The following CNST variants were observed in gnomAD, a reference collection of about 807,000 sequenced individuals.
CNST encodes the protein consortin, connexin sorting protein.
CNST carries 39 observed loss-of-function variants against 72.4 expected under a neutral mutation model. That is an observed-to-expected ratio of 0.54 (90% CI 0.42 to 0.70). The LOEUF is 0.70. Ranked by LOEUF, CNST falls within the 30% of genes least tolerant of loss-of-function variation. The pLI is 0.00. For synonymous variants in CNST, 332 were observed against 320.1 expected (o/e 1.04, Z -0.40); for missense variants, 871 against 868.5 (o/e 1.00, Z -0.04).
intron 3 of CNST, among the ~76,000 whole-genome samples, chr1:246,630,300 G>A (rs1464670845): frequency 6.6e-6 from 1 of 152,130 alleles, no homozygotes; most frequent in Non-Finnish European, 1.5e-5. Context: ...CTAAAGAAAT[G>A]GTTGAAGATT....
chr1:246,642,336 G>T (rs1281594644), intron 8 of CNST, among the ~76,000 whole-genome samples: 1 of 151,894 alleles, frequency 6.6e-6, no homozygotes, highest in Non-Finnish European at 1.5e-5. Flanking sequence ...ATAAGAAAAG[G>T]TTGTACAAAA....
At chr1:246,633,491 C>T (rs1407153401) in intron 4 of CNST, among the ~76,000 whole-genome samples, 3 of 151,464 alleles carry the variant, frequency 2.0e-5, no homozygotes, top group Non-Finnish European at 4.4e-5. Context: ...GCCTGTAATC[C>T]CAGCACTTTG....
intron 10 of CNST, among the ~76,000 whole-genome samples, chr1:246,662,390 T>G (rs991036881): frequency 2.0e-5 from 3 of 152,166 alleles, no homozygotes; most frequent in Admixed American, 2.0e-4. Context: ...TTATTTTTTA[T>G]TTGATTTTAT....
chr1:246,641,827 TG>T, intron 7 of CNST, 57 bp downstream of exon 7: 2 of 1,239,116 alleles, frequency 1.6e-6, no homozygotes, highest in South Asian at 2.5e-5. Context: ...GTCATATGTC[TG>T]TTGTATGGAC....
chr1:246,619,309 T>G (rs1434084086), intron 2 of CNST, among the ~76,000 whole-genome samples: 2 of 152,198 alleles, frequency 1.3e-5, no homozygotes. Flanking sequence ...CCCTAAAAAA[T>G]GGCAGGCCAT....
intron 9 of CNST, among the ~76,000 whole-genome samples, chr1:246,653,248 A>G (rs1342526356): frequency 2.0e-5 from 3 of 152,160 alleles, no homozygotes; most frequent in Non-Finnish European, 2.9e-5. Context: ...CCTGTTGCCT[A>G]TTAAGTGAGG....
chr1:246,612,360 C>T (rs1663373314), intron 2 of CNST, among the ~76,000 whole-genome samples: 1 of 151,990 alleles, frequency 6.6e-6, no homozygotes. Context: ...TGCTACCACG[C>T]CGAGCTAATT....
intron 9 of CNST, among the ~76,000 whole-genome samples, chr1:246,649,656 A>G (rs1475029258): frequency 6.6e-6 from 1 of 152,070 alleles, no homozygotes; most frequent in Admixed American, 6.6e-5. Flanking sequence ...CCCACCTTAT[A>G]AAACGTTTTC....
Position 246,591,877 on chromosome 1 carries a change from C to CA in CNST, c.322dup (p.Ile108AsnfsTer15). ...ATGAACAGGCCTTCTTGGGAAAGGA[C>CA]AAAAAAATTCCTGGAAAAAGAAGTC... On this transcript the variant is annotated frameshift_variant, in exon 2 of 11. Coordinates refer to ENST00000366513, the MANE Select transcript of CNST (RefSeq NM_152609.3). LOFTEE classifies it high-confidence loss of function. 1 of 1,612,810 alleles carries CA rather than the reference C, an allele frequency of 6.2e-7. No individual in the cohort carries two copies. The highest frequency in any genetic ancestry group is 8.5e-7 in the Non-Finnish European group (1 of 1,179,560).
At chr1:246,620,614 CGAT>C (rs1558564148) in intron 2 of CNST, among the ~76,000 whole-genome samples, 1 of 143,328 alleles carries the variant, frequency 7.0e-6, no homozygotes, top group East Asian at 2.0e-4. Flanking sequence ...TGCATACACA[CGAT>C]GGGCTCTGGG....
At position 246,630,402 on chromosome 1, in the gene CNST, C is replaced by A. The variant is rs116692633; in HGVS notation, c.586-1492C>A. Among the ~76,000 whole-genome samples the A allele has an allele frequency of 1.7e-3, 262 of 152,256 alleles. 1 individual carries two copies. Among genetic ancestry groups the A allele is most frequent in the African/African-American group, 5.9e-3 (247 of 41,560 alleles). On this transcript the variant is annotated intron_variant, in intron 3 of 10. Coordinates refer to ENST00000366513, the MANE Select transcript of CNST (RefSeq NM_152609.3). Reference sequence around the variant, plus strand: ...ACCAGATTCTTAAAAATCAGTTTGTCCCTTGCAAAATCTTTAATATAACAT... The same window carrying A: ...ACCAGATTCTTAAAAATCAGTTTGTACCTTGCAAAATCTTTAATATAACAT...
At position 246,653,965 on chromosome 1, in the gene CNST, A is replaced by G. The variant is rs563253905; in HGVS notation, c.1836+5928A>G. Among the ~76,000 whole-genome samples, 4 of 152,314 alleles carry G rather than the reference A, an allele frequency of 2.6e-5. No individual in the cohort carries two copies. The South Asian group carries it at 6.2e-4, about 24-fold the overall frequency. ...AGGTTTCCACGCCTTGTCTGGAAGT[A>G]TACAGCTTTTTTAAACTCCACAGAT... On this transcript the variant is annotated intron_variant, in intron 9 of 10. Transcript: ENST00000366513.
At chr1:246,617,395 ATGTT>A (rs1299633644) in intron 2 of CNST, among the ~76,000 whole-genome samples, 20 of 152,216 alleles carry the variant, frequency 1.3e-4, no homozygotes, top group African/African-American at 4.6e-4. Flanking sequence ...TTTCCTCTGA[ATGTT>A]TGTCCTCAAA....
rs112533861 is a variant in CNST, at chr1:246,646,605, C to G, written c.938-534C>G. Among the ~76,000 whole-genome samples, 446 of 152,138 alleles carry G rather than the reference C, an allele frequency of 2.9e-3. 1 individual carries two copies. The highest frequency in any genetic ancestry group is 5.5e-3 in the Non-Finnish European group (372 of 68,016). The stretch of plus-strand genomic sequence containing the variant: ...AAGCAATTCTCTTGCCTCAGCCTCC[C>G]GAGTAGCTGGGATTACAGGCATGTG... On this transcript the variant is annotated intron_variant, in intron 8 of 10. Transcript: ENST00000366513.
intron 2 of CNST, chr1:246,606,102 T>C (rs1455909823): frequency 5.9e-5 from 9 of 152,252 alleles, no homozygotes; most frequent in Admixed American, 2.6e-4. Context: ...AAGAAAAAAT[T>C]TTGGCGTATT....
intron 1 of CNST, among the ~76,000 whole-genome samples, chr1:246,582,522 G>A (rs965390051): frequency 3.9e-5 from 6 of 151,992 alleles, no homozygotes; most frequent in African/African-American, 7.2e-5. Context: ...CCGGGCTTAC[G>A]TTTTGTATCC....
intron 3 of CNST, among the ~76,000 whole-genome samples, chr1:246,625,657 C>T (rs947679733): frequency 2.3e-4 from 35 of 151,680 alleles, no homozygotes; most frequent in South Asian, 6.3e-4. Flanking sequence ...CTTGACCTCA[C>T]GATCCGCCCG....
At chr1:246,619,685 G>T (rs1191292013) in intron 2 of CNST, among the ~76,000 whole-genome samples, 1 of 152,244 alleles carries the variant, frequency 6.6e-6, no homozygotes, top group South Asian at 2.1e-4. Flanking sequence ...TAGCCGTTAG[G>T]ATCTGTAATT....
intron 8 of CNST, among the ~76,000 whole-genome samples, chr1:246,646,760 G>A (rs934801138): frequency 1.1e-4 from 16 of 152,032 alleles, no homozygotes; most frequent in African/African-American, 1.9e-4. Flanking sequence ...GACTACAGGC[G>A]TGAGCCACTG....
Sources: gnomAD v4.1 joint callset for allele counts (sites outside exome capture counted in the v4.1 genomes callset) on GRCh38, gnomAD v4.1.1 for gene constraint, MANE v1.5 for transcripts, NCBI Gene and HGNC (gene_info 2026-07-23, HGNC 2026-07-21) for gene names.